The following RGL3 variants were observed in gnomAD, a reference collection of about 807,000 sequenced individuals.
RGL3 encodes ral guanine nucleotide dissociation stimulator-like 3.
Under a neutral mutation model 90.6 loss-of-function variants are expected in RGL3, and 85 were observed. The observed-to-expected ratio is 0.94, with a 90% confidence interval of 0.79 to 1.12. The LOEUF is 1.12. Ranked by LOEUF, RGL3 falls within the 50% of genes most tolerant of loss-of-function variation. The pLI is 0.00. For missense variants in RGL3, 1,034 were observed against 939.2 expected (o/e 1.10, Z -1.32); for synonymous variants, 408 against 385.5 (o/e 1.06, Z -0.68).
At chr19:11,417,626 A>G (rs1156508906) in intron 2 of RGL3, among the ~76,000 whole-genome samples, 2 of 151,616 alleles carry the variant, frequency 1.3e-5, no homozygotes, top group African/African-American at 4.8e-5. Flanking sequence ...CCCGCCACCA[A>G]GCCCAGCTAG....
At chr19:11,419,166 G>C in intron 1 of RGL3, 80 bp downstream of exon 1, 1 of 1,474,922 alleles carries the variant, frequency 6.8e-7, no homozygotes, top group Non-Finnish European at 9.3e-7. Flanking sequence ...AGCAGATACC[G>C]TCCGACGGGC....
At chr19:11,416,724 G>C (rs1161176607) in intron 3 of RGL3, 57 bp from the exon 4 acceptor site, 1 of 1,599,194 alleles carries the variant, frequency 6.3e-7, no homozygotes, top group Non-Finnish European at 8.6e-7. Flanking sequence ...GGCTTAGGAA[G>C]AGGGCTCTGG....
At chr19:11,398,704 G>T (rs1968619587) in intron 16 of RGL3, among the ~76,000 whole-genome samples, 1 of 149,902 alleles carries the variant, frequency 6.7e-6, no homozygotes, top group African/African-American at 2.5e-5. Flanking sequence ...GCCTCGCTCT[G>T]TCACCAGGCT....
At chr19:11,414,485 ACC>A (rs1349137504) in intron 5 of RGL3, among the ~76,000 whole-genome samples, 2 of 73,260 alleles carry the variant, frequency 2.7e-5, no homozygotes, top group African/African-American at 1.2e-4. Context: ...ATATATATAC[ACC>A]TTCATATATA....
In RGL3 at chr19:11,401,465, G is replaced by C. The variant is rs1165010631; in HGVS notation, c.1484+546C>G. On this transcript the variant is annotated intron_variant, in intron 13 of 18. Transcript: ENST00000380456. ...GGCTGGAGTGCAGTGGCACCATCTCGGCTCCCTGCAAGCTCTGCCTCCCGG... is the reference window on the plus strand; with the variant it reads ...GGCTGGAGTGCAGTGGCACCATCTCCGCTCCCTGCAAGCTCTGCCTCCCGG... Among the ~76,000 whole-genome samples the C allele has an allele frequency of 6.7e-5, 10 of 149,162 alleles. No homozygotes were observed. The East Asian group carries it at 2.0e-3, about 29-fold the overall frequency.
chr19:11,418,449 G>A, intron 2 of RGL3: 1 of 575,354 alleles, frequency 1.7e-6, no homozygotes. Flanking sequence ...GGCTCCTCTC[G>A]GGAACTGCGC....
In RGL3 at chr19:11,406,447, C is replaced by T. The variant is rs988627440; in HGVS notation, c.968G>A (p.Arg323Gln). The change falls in exon 7 of 19, where the codon CGG becomes CAG. Residue 323 changes from arginine to glutamine, a missense_variant. Coordinates refer to ENST00000380456, the MANE Select transcript of RGL3 (RefSeq NM_001035223.4). ...PGLAAPQRAQ[R>Q]LEKWIRIAQR... ...GGCGATGCGGATCCACTTCTCCAGCCGCTGCGCCCTCTGCGGGGCGGCCAA... is the reference window on the plus strand; with the variant it reads ...GGCGATGCGGATCCACTTCTCCAGCTGCTGCGCCCTCTGCGGGGCGGCCAA... 4.9e-5 allele frequency: 76 copies of T among 1,544,442 alleles called. No individual in the cohort carries two copies. The highest frequency in any genetic ancestry group is 3.7e-4 in the Middle Eastern group (2 of 5,474).
chr19:11,404,645 A>G (rs1203988027), intron 9 of RGL3, among the ~76,000 whole-genome samples: 3 of 152,222 alleles, frequency 2.0e-5, no homozygotes, highest in African/African-American at 7.2e-5. Context: ...AGAGGCAGGG[A>G]CATTTAATCA....
intron 5 of RGL3, among the ~76,000 whole-genome samples, chr19:11,408,392 G>A (rs1968817996): frequency 6.6e-6 from 1 of 152,088 alleles, no homozygotes; most frequent in South Asian, 2.1e-4. Context: ...GACCAGCGTG[G>A]CCAACACGGT....
chr19:11,396,661 TC>T (rs1356991399), intron 18 of RGL3, among the ~76,000 whole-genome samples: 2 of 137,560 alleles, frequency 1.5e-5, no homozygotes, highest in Non-Finnish European at 3.0e-5. Flanking sequence ...CCGTGGACAG[TC>T]TTTTTTTTTT....
At chr19:11,403,148 G>A (rs1447933643) in intron 9 of RGL3, among the ~76,000 whole-genome samples, 1 of 150,040 alleles carries the variant, frequency 6.7e-6, no homozygotes, top group Non-Finnish European at 1.5e-5. Context: ...CCATTCTCCT[G>A]CCTCAGCCTC....
At position 11,405,492 on chromosome 19, in the gene RGL3, ATCTTTTTTTTTTTTT is replaced by A; in HGVS notation, c.997-81_997-67del. On this transcript the variant is annotated intron_variant, in intron 7 of 18. Coordinates refer to ENST00000380456, the MANE Select transcript of RGL3 (RefSeq NM_001035223.4). The stretch of plus-strand genomic sequence containing the variant: ...CCACCTTTCATCCTGAAACTTCTTC[ATCTTTTTTTTTTTTT>A]TTTTTTTTTTTTTTTTTTTTTTTTT... The A allele has an allele frequency of 3.8e-5, 5 of 132,452 alleles. No homozygotes were observed. The East Asian group carries it at 4.1e-4, about 11-fold the overall frequency. 8.2% of individuals were successfully genotyped at this position (132,452 alleles called of 1,614,324 possible).
chr19:11,404,977 TAGAGG>T (rs1968743915), intron 9 of RGL3, among the ~76,000 whole-genome samples, 165 bp downstream of exon 9: 1 of 151,920 alleles, frequency 6.6e-6, no homozygotes, highest in Non-Finnish European at 1.5e-5. Flanking sequence ...ACGCAGGAAG[TAGAGG>T]AAAGAAAAAC....
intron 7 of RGL3, 43 bp downstream of exon 7, chr19:11,406,376 C>G (rs968498706): frequency 6.6e-7 from 1 of 1,507,686 alleles, no homozygotes; most frequent in Non-Finnish European, 8.9e-7. Context: ...TCCCCTTGCC[C>G]CAGGGCCCGC....
rs771681871 is a variant in RGL3, at chr19:11,394,532, T to A, written c.2015-12A>T. ...AGGAATCAGGAGCACTGGTCAGGAG[T>A]GGAGATGGTGGTAATAGGCCCTCAC... On this transcript the variant is annotated splice_polypyrimidine_tract_variant and intron_variant, in intron 18 of 18. Coordinates refer to ENST00000380456, the MANE Select transcript of RGL3 (RefSeq NM_001035223.4). 3 of 1,595,284 alleles carry A rather than the reference T, an allele frequency of 1.9e-6. No individual in the cohort carries two copies. The South Asian group carries it at 3.3e-5, about 18-fold the overall frequency.
chr19:11,395,199 T>C (rs73922651), intron 18 of RGL3, among the ~76,000 whole-genome samples: 18,052 of 147,786 alleles, frequency 0.12, 1,492 homozygotes, highest in African/African-American at 0.24. Flanking sequence ...CTGCTCACCC[T>C]ACCCCTCCCC....
At chr19:11,407,111 G>A (rs1968798547) in intron 5 of RGL3, among the ~76,000 whole-genome samples, 1 of 151,730 alleles carries the variant, frequency 6.6e-6, no homozygotes, top group African/African-American at 2.4e-5. Context: ...TCAGCCTTCT[G>A]AGTAGCTGGG....
At chr19:11,410,821 G>A (rs1968861717) in intron 5 of RGL3, among the ~76,000 whole-genome samples, 1 of 152,104 alleles carries the variant, frequency 6.6e-6, no homozygotes, top group African/African-American at 2.4e-5. Context: ...AAGAATGTGA[G>A]ACATACCTCA....
chr19:11,398,855 G>C (rs566818979), intron 16 of RGL3, among the ~76,000 whole-genome samples: 3 of 151,920 alleles, frequency 2.0e-5, no homozygotes, highest in Non-Finnish European at 4.4e-5. Flanking sequence ...ATTTTCAGTA[G>C]AGACAGGGTT....
Sources: allele counts gnomAD v4.1 joint callset (sites outside exome capture counted in the v4.1 genomes callset), GRCh38; gene constraint gnomAD v4.1.1; transcripts MANE v1.5; gene names NCBI Gene and HGNC (gene_info 2026-07-23, HGNC 2026-07-21).